TAOK3: variants seen among roughly 807,000 people sequenced by gnomAD.
TAOK3 encodes the protein TAO kinase 3, also known as serine/threonine-protein kinase TAO3.
A neutral mutation model predicts 120.4 loss-of-function variants in TAOK3; 40 were observed. The ratio of observed to expected loss-of-function variants is 0.33; its 90% CI spans 0.26 to 0.43. The LOEUF is 0.43. TAOK3 is among the 20% of genes least tolerant of loss of function. The probability of loss-of-function intolerance (pLI) is 1.00; values close to 1 mark genes in which losing one functional copy is unlikely to be tolerated. For missense variants in TAOK3, 821 were observed against 1,112.1 expected (o/e 0.74, Z 3.72); for synonymous variants, 355 against 387.5 (o/e 0.92, Z 0.99).
chr12:118,225,464 T>C (rs1184553718), intron 9 of TAOK3, among the ~76,000 whole-genome samples: 1 of 151,988 alleles, frequency 6.6e-6, no homozygotes, highest in Non-Finnish European at 1.5e-5. Flanking sequence ...TGAAAATGTA[T>C]GATAAAGCTG....
In TAOK3 at chr12:118,256,681, T is replaced by C. The variant is rs867999860; in HGVS notation, c.-88-1026A>G. On this transcript the variant is annotated intron_variant, in intron 2 of 20. Transcript: ENST00000392533. ...ACCATATATTGTATGATTCCATATA[T>C]ACACACACACATATACATGTAATTT... is the stretch of plus-strand genomic sequence containing the variant. 7.9e-5 allele frequency among the ~76,000 whole-genome samples: 12 copies of C among 152,298 alleles called. No homozygotes were observed. The Middle Eastern group carries it at 0.02, about 259-fold the overall frequency.
intron 11 of TAOK3, among the ~76,000 whole-genome samples, chr12:118,205,389 T>G (rs576511938): frequency 6.7e-6 from 1 of 149,810 alleles, no homozygotes; most frequent in South Asian, 2.1e-4. Flanking sequence ...AGAAAGAAAA[T>G]TTTTCTTTTT....
At chr12:118,288,537 T>G (rs2042345924) in intron 1 of TAOK3, among the ~76,000 whole-genome samples, 1 of 152,136 alleles carries the variant, frequency 6.6e-6, no homozygotes, top group Non-Finnish European at 1.5e-5. Flanking sequence ...CCTCCAAAAC[T>G]GTGAGAAAGT....
chr12:118,282,807 CTGAT>C (rs1048459030), intron 1 of TAOK3, among the ~76,000 whole-genome samples: 2 of 152,154 alleles, frequency 1.3e-5, no homozygotes, highest in Non-Finnish European at 2.9e-5. Context: ...GTGGGAGTAT[CTGAT>C]TGACCAAAGT....
At chr12:118,163,289 C>T (rs980278748) in intron 17 of TAOK3, among the ~76,000 whole-genome samples, 1 of 152,112 alleles carries the variant, frequency 6.6e-6, no homozygotes, top group Non-Finnish European at 1.5e-5. Context: ...GCTTCTGAGC[C>T]CTCCAGTAGG....
At chr12:118,308,430 A>T (rs910229209) in intron 1 of TAOK3, among the ~76,000 whole-genome samples, 3 of 152,144 alleles carry the variant, frequency 2.0e-5, no homozygotes, top group Non-Finnish European at 4.4e-5. Context: ...AAACATTTAC[A>T]TTTGTATAAA....
chr12:118,175,607 A>C (rs1055588216), intron 16 of TAOK3, among the ~76,000 whole-genome samples: 2 of 152,170 alleles, frequency 1.3e-5, no homozygotes, highest in African/African-American at 4.8e-5. Flanking sequence ...AGCTTGGGCA[A>C]CAAGAGCGAA....
intron 13 of TAOK3, among the ~76,000 whole-genome samples, chr12:118,193,947 G>A (rs571032353): frequency 6.6e-6 from 1 of 152,314 alleles, no homozygotes; most frequent in East Asian, 1.9e-4. Flanking sequence ...CATAGTGCTT[G>A]ATACTTAGTA....
At position 118,343,235 on chromosome 12, in the gene TAOK3, C is replaced by T. The variant is rs1487674090; in HGVS notation, c.-194+29413G>A. ...CAGAGGTCAGGAGTTCAAGACCAGC[C>T]TGGCCAACATGGTGAAACCCTGTCT... On this transcript the variant is annotated intron_variant, in intron 1 of 20. Transcript: ENST00000392533. Among the ~76,000 whole-genome samples the T allele has an allele frequency of 2.0e-5, 3 of 151,860 alleles. No homozygotes were observed. In the East Asian group the frequency reaches 5.8e-4, roughly 29 times the overall value.
At chr12:118,247,038 A>G (rs1004529607) in intron 3 of TAOK3, 3 of 687,208 alleles carry the variant, frequency 4.4e-6, no homozygotes, top group Non-Finnish European at 7.1e-6. Flanking sequence ...ACCAGAATAT[A>G]TATCAGTGAT....
chr12:118,181,861 T>C (rs1327284346), intron 14 of TAOK3, among the ~76,000 whole-genome samples: 1 of 152,220 alleles, frequency 6.6e-6, no homozygotes, highest in Non-Finnish European at 1.5e-5. Flanking sequence ...ATCTTAGTTT[T>C]ATAGTTGAAG....
intron 1 of TAOK3, among the ~76,000 whole-genome samples, chr12:118,267,046 T>C (rs1264079962): frequency 6.6e-6 from 1 of 152,208 alleles, no homozygotes; most frequent in African/African-American, 2.4e-5. Flanking sequence ...AGATTACCAG[T>C]AGACAGCACT....
At chr12:118,239,297 A>T in intron 5 of TAOK3, 25 bp from the exon 6 acceptor site, 1 of 1,381,678 alleles carries the variant, frequency 7.2e-7, no homozygotes, top group Non-Finnish European at 1.0e-6. Context: ...AATAATATTC[A>T]GAATAATGAA....
rs777624465 is a variant in TAOK3, at chr12:118,189,915, C to T, written c.1221G>A (p.Ala407=). The T allele has an allele frequency of 1.9e-6, 3 of 1,614,154 alleles. No individual in the cohort carries two copies. The highest frequency in any genetic ancestry group is 1.7e-5 in the Admixed American group (1 of 60,016). ...GCTCAGGCCTGGGATCGCCGTGGCCCGCCTCATCCCTTATGAATACATGAT... is the reference window on the plus strand; with the variant it reads ...GCTCAGGCCTGGGATCGCCGTGGCCTGCCTCATCCCTTATGAATACATGAT... ...KKDHVFIRDE[A]GHGDPRPEPR... The change falls in exon 14 of 21, where the codon GCG becomes GCA. Residue 407 remains alanine, a synonymous_variant. Coordinates refer to ENST00000392533, the MANE Select transcript of TAOK3 (RefSeq NM_016281.4).
At chr12:118,313,518 C>G (rs1411455820) in intron 1 of TAOK3, among the ~76,000 whole-genome samples, 1 of 152,180 alleles carries the variant, frequency 6.6e-6, no homozygotes, top group African/African-American at 2.4e-5. Context: ...CTCAGGTGAT[C>G]CACCTGTTTC....
intron 1 of TAOK3, among the ~76,000 whole-genome samples, chr12:118,292,974 A>G (rs113421981): frequency 0.014 from 2,159 of 152,324 alleles, 43 homozygotes; most frequent in African/African-American, 0.048. Context: ...TCTAATGTCG[A>G]AAGGACAATT....
At chr12:118,239,361 A>G in intron 5 of TAOK3, 89 bp from the exon 6 acceptor site, 2 of 707,808 alleles carry the variant, frequency 2.8e-6, no homozygotes, top group Admixed American at 5.4e-5. Context: ...GGAACTAAGA[A>G]TACTAGGTGA....
chr12:118,199,454 C>T, intron 12 of TAOK3, 197 bp from the exon 13 acceptor site: 1 of 597,378 alleles, frequency 1.7e-6, no homozygotes, highest in South Asian at 2.0e-5. Context: ...CTATGCCTTC[C>T]CCAGGGGCCA....
chr12:118,239,094 A>G, intron 6 of TAOK3, 133 bp downstream of exon 6: 4 of 664,112 alleles, frequency 6.0e-6, no homozygotes, highest in East Asian at 5.7e-5. Context: ...GGAAGTGTGC[A>G]TGGCTTATCC....
Sources: gnomAD v4.1 joint callset for allele counts (sites outside exome capture counted in the v4.1 genomes callset) on GRCh38, gnomAD v4.1.1 for gene constraint, MANE v1.5 for transcripts, NCBI Gene and HGNC (gene_info 2026-07-23, HGNC 2026-07-21) for gene names.